SMC1B: variants seen among roughly 807,000 people sequenced by gnomAD.
The protein encoded by SMC1B is structural maintenance of chromosomes protein 1B.
In SMC1B, 60 loss-of-function variants were observed where a neutral mutation model predicts 157.9. The ratio of observed to expected loss-of-function variants is 0.38; its 90% confidence interval spans 0.31 to 0.47. The LOEUF (loss-of-function observed/expected upper bound fraction) is 0.47, where lower values mean the gene tolerates loss of function less well. Ranked by LOEUF, SMC1B falls within the 20% of genes least tolerant of loss-of-function variation. The pLI is 0.99. For synonymous variants in SMC1B, 445 were observed against 483.0 expected, an observed-to-expected ratio of 0.92 and a Z score of 1.03; for missense variants, 1,165 against 1,426.2, an observed-to-expected ratio of 0.82 and a Z score of 2.95.
intron 2 of SMC1B, 147 bp from the exon 3 acceptor site, chr22:45,407,012 A>G: frequency 1.7e-6 from 1 of 582,502 alleles, no homozygotes; most frequent in East Asian, 3.0e-5. Flanking sequence ...TTAATGAGTC[A>G]ACAAATATTG....
intron 1 of SMC1B, among the ~76,000 whole-genome samples, chr22:45,409,862 G>T (rs996863839): frequency 2.0e-5 from 3 of 152,182 alleles, no homozygotes; most frequent in African/African-American, 7.2e-5. Flanking sequence ...CTGAACATAT[G>T]CTTTCTTTCT....
chr22:45,410,276 A>G (rs187245181), intron 1 of SMC1B, among the ~76,000 whole-genome samples: 9 of 152,364 alleles, frequency 5.9e-5, no homozygotes, highest in East Asian at 1.9e-4. Flanking sequence ...CCTAACCCCA[A>G]TGTTAAATCT....
intron 2 of SMC1B, among the ~76,000 whole-genome samples, chr22:45,408,326 C>T (rs372280876): frequency 9.2e-5 from 14 of 152,076 alleles, no homozygotes; most frequent in South Asian, 2.1e-4. Context: ...GGGGTTTCAT[C>T]GTGTTAGCCA....
In SMC1B at chr22:45,406,749, T is replaced by C; in HGVS notation, c.411+4A>G. On this transcript the variant is annotated splice_donor_region_variant and intron_variant, in intron 3 of 24. Transcript: ENST00000357450. ...GAATCAAATAAACTACTATAGCTAC[T>C]TACCTGAAAAACCAAACAATTTTGT... The C allele has an allele frequency of 3.1e-6, 5 of 1,588,468 alleles. No individual in the cohort carries two copies. The highest frequency in any genetic ancestry group is 2.6e-6 in the Non-Finnish European group (3 of 1,172,390).
At chr22:45,374,698 C>G (rs1254341091) in intron 12 of SMC1B, among the ~76,000 whole-genome samples, 1 of 152,170 alleles carries the variant, frequency 6.6e-6, no homozygotes, top group Admixed American at 6.5e-5. Flanking sequence ...TGAAGCTACA[C>G]AACTTAAACT....
At chr22:45,347,617 T>G (rs2086565762) in intron 23 of SMC1B, among the ~76,000 whole-genome samples, 1 of 152,184 alleles carries the variant, frequency 6.6e-6, no homozygotes. Flanking sequence ...TCTTTTTTTC[T>G]TTTTAAATTT....
intron 12 of SMC1B, among the ~76,000 whole-genome samples, chr22:45,373,280 A>T (rs956305372): frequency 6.6e-6 from 1 of 152,070 alleles, no homozygotes; most frequent in Non-Finnish European, 1.5e-5. Context: ...TGGCAAAATA[A>T]ATTTCTAAAT....
Position 45,394,712 on chromosome 22 carries a change from T to G in SMC1B, c.1310A>C (p.Lys437Thr). ...QIEDHKKRIEKLEEYTKTCMD... is the reference protein window; with the variant it reads ...QIEDHKKRIETLEEYTKTCMD... ...GCATGTCTTTGTATACTCCTCTAACTTCTCTATTCGTTTTTTATGATCTTC... is the reference window on the plus strand; with the variant it reads ...GCATGTCTTTGTATACTCCTCTAACGTCTCTATTCGTTTTTTATGATCTTC... The change falls in exon 8 of 25, where the codon AAG becomes ACG. Residue 437 changes from lysine (K) to threonine (T), a missense_variant. Coordinates refer to ENST00000357450, the MANE Select transcript of SMC1B (RefSeq NM_148674.5). The G allele has an allele frequency of 6.4e-7, 1 of 1,564,350 alleles. No individual in the cohort carries two copies. Among genetic ancestry groups the G allele is most frequent in the Non-Finnish European group, 8.7e-7 (1 of 1,149,116 alleles).
rs557419947 is a variant in SMC1B, at chr22:45,412,812, G to A, written c.109+647C>T. Among the ~76,000 whole-genome samples, 4 of 152,262 alleles carry A rather than the reference G, an allele frequency of 2.6e-5. No homozygotes were observed. In the East Asian group the frequency reaches 5.8e-4, roughly 22 times the overall value. On this transcript the variant is annotated intron_variant, in intron 1 of 24. Transcript: ENST00000357450. Reference sequence around the variant, plus strand: ...TCGCCAGGAACTTAGGAAAAGCTCAGTAAACTGGGTCATCATCACTACATT... The same window carrying A: ...TCGCCAGGAACTTAGGAAAAGCTCAATAAACTGGGTCATCATCACTACATT...
At chr22:45,410,696 C>T (rs2087322486) in intron 1 of SMC1B, among the ~76,000 whole-genome samples, 1 of 152,108 alleles carries the variant, frequency 6.6e-6, no homozygotes, top group Non-Finnish European at 1.5e-5. Flanking sequence ...GAGCAAGACT[C>T]CATCTCAAGA....
intron 10 of SMC1B, among the ~76,000 whole-genome samples, chr22:45,388,037 A>AT (rs2087009354): frequency 6.7e-6 from 1 of 150,056 alleles, no homozygotes; most frequent in Non-Finnish European, 1.5e-5. Context: ...TGTCAAAAAA[A>AT]AAAACAGCAA....
At position 45,371,541 on chromosome 22, in the gene SMC1B, C is replaced by T. The variant is rs56174639; in HGVS notation, c.2243G>A (p.Cys748Tyr). The stretch of plus-strand genomic sequence containing the variant: ...CTTGATTCCTTCACTCAACATAATA[C>T]ATTGAGACTCAATATTTAGTAGTTC... ...QSELLNIESQCIMLSEGIKER... is the reference protein window; with the variant it reads ...QSELLNIESQYIMLSEGIKER... Residue 748 changes from cysteine to tyrosine, a missense_variant, in exon 14 of 25, where the codon TGT (cysteine) becomes TAT (tyrosine). By Grantham distance (194) the Cys-to-Tyr change is radical. Coordinates refer to ENST00000357450, the MANE Select transcript of SMC1B (RefSeq NM_148674.5). 235,368 of 1,591,170 alleles carry T rather than the reference C, an allele frequency of 0.15. 19,100 individuals are homozygous for T. Among genetic ancestry groups the T allele is most frequent in the Non-Finnish European group, 0.17 (195,233 of 1,169,984 alleles).
intron 5 of SMC1B, among the ~76,000 whole-genome samples, chr22:45,401,304 TTTC>T (rs1569197792): frequency 6.6e-6 from 1 of 152,218 alleles, no homozygotes; most frequent in African/African-American, 2.4e-5. Flanking sequence ...CCCAAAATCA[TTTC>T]TTTTCTAACA....
intron 5 of SMC1B, among the ~76,000 whole-genome samples, chr22:45,400,460 G>C (rs542960082): frequency 6.6e-6 from 1 of 152,132 alleles, no homozygotes; most frequent in Non-Finnish European, 1.5e-5. Context: ...TGTAATACTG[G>C]ATTATAACTC....
chr22:45,353,435 C>T (rs115561240), intron 21 of SMC1B, among the ~76,000 whole-genome samples: 1,567 of 152,112 alleles, frequency 0.01, 21 homozygotes, highest in African/African-American at 0.035. Context: ...ACATAAGTCC[C>T]GACCTACATC....
Position 45,355,124 on chromosome 22 carries a change from G to C in SMC1B, c.2962-9C>G. The C allele has an allele frequency of 6.2e-7, 1 of 1,613,980 alleles. No individual in the cohort carries two copies. Among genetic ancestry groups the C allele is most frequent in the South Asian group, 1.1e-5 (1 of 91,082 alleles). ...TGATCAGACTGTAGAGCCTATTATG[G>C]GCAAAGAACAACACTGACTGGCATG... On this transcript the variant is annotated splice_polypyrimidine_tract_variant and intron_variant, in intron 19 of 24. Coordinates refer to ENST00000357450, the MANE Select transcript of SMC1B (RefSeq NM_148674.5).
At chr22:45,362,128 T>G (rs985128026) in intron 16 of SMC1B, 144 bp from the exon 17 acceptor site, 7 of 709,598 alleles carry the variant, frequency 9.9e-6, no homozygotes, top group Non-Finnish European at 1.3e-5. Flanking sequence ...TCGTGGACTG[T>G]GACTCACGTT....
At chr22:45,354,545 C>T (rs2086651610) in intron 20 of SMC1B, among the ~76,000 whole-genome samples, 1 of 152,038 alleles carries the variant, frequency 6.6e-6, no homozygotes, top group Non-Finnish European at 1.5e-5. Context: ...TGTGTGCCAC[C>T]ACACCCAACT....
At chr22:45,366,733 C>CT (rs547509993) in intron 15 of SMC1B, among the ~76,000 whole-genome samples, 78 of 152,322 alleles carry the variant, frequency 5.1e-4, no homozygotes, top group African/African-American at 1.6e-3. Flanking sequence ...CTCCAAAAAA[C>CT]TAAGTGCTGG....
Sources: allele counts gnomAD v4.1 joint callset (sites outside exome capture counted in the v4.1 genomes callset), GRCh38; gene constraint gnomAD v4.1.1; transcripts MANE v1.5; gene names NCBI Gene and HGNC (gene_info 2026-07-23, HGNC 2026-07-21).